Variants in PLCB1 observed in about 807,000 individuals in gnomAD.
PLCB1 encodes the protein phospholipase C beta 1.
A neutral mutation model predicts 161.8 loss-of-function variants in PLCB1; 46 were observed. That is an observed-to-expected ratio of 0.28 (90% CI 0.22 to 0.36). The LOEUF (loss-of-function observed/expected upper bound fraction) is 0.36. Among genes scored for constraint, PLCB1 ranks in the 10% least tolerant of loss-of-function variants. The pLI is 1.00. For synonymous variants in PLCB1, 517 were observed against 503.7 expected (o/e 1.03, Z -0.35); for missense variants, 1,016 against 1,472.5 (o/e 0.69, Z 5.07).
intron 31 of PLCB1, among the ~76,000 whole-genome samples, chr20:8,866,147 A>T (rs1332773419): frequency 6.6e-6 from 1 of 152,196 alleles, no homozygotes; most frequent in Non-Finnish European, 1.5e-5. Context: ...TCCAAACCCG[A>T]TGTGTTTAGC....
At chr20:8,442,950 ATAAAATTAT>A (rs1289105299) in intron 3 of PLCB1, among the ~76,000 whole-genome samples, 1 of 151,638 alleles carries the variant, frequency 6.6e-6, no homozygotes, top group East Asian at 1.9e-4. Context: ...TGCTTTGATT[ATAAAATTAT>A]CTTGTGAGTT....
At chr20:8,386,643 C>A (rs567966640) in intron 3 of PLCB1, among the ~76,000 whole-genome samples, 3 of 152,334 alleles carry the variant, frequency 2.0e-5, no homozygotes, top group Non-Finnish European at 2.9e-5. Context: ...TAATGCCTAA[C>A]AAGAGAGTCA....
At chr20:8,647,011 T>C (rs1489167401) in intron 5 of PLCB1, among the ~76,000 whole-genome samples, 1 of 152,206 alleles carries the variant, frequency 6.6e-6, no homozygotes, top group African/African-American at 2.4e-5. Context: ...CCACATTCCT[T>C]TATTTTACTC....
chr20:8,543,490 AG>A (rs571939841), intron 3 of PLCB1, among the ~76,000 whole-genome samples: 107 of 152,290 alleles, frequency 7.0e-4, no homozygotes, highest in Middle Eastern at 3.4e-3. Context: ...GAAACTTTTA[AG>A]GGTAATAGAA....
chr20:8,578,442 A>C (rs575290464), intron 3 of PLCB1, among the ~76,000 whole-genome samples: 1 of 151,984 alleles, frequency 6.6e-6, no homozygotes, highest in African/African-American at 2.4e-5. Flanking sequence ...CCTAAGTAAG[A>C]AATGGAATAT....
At chr20:8,697,193 G>A (rs1338201606) in intron 10 of PLCB1, among the ~76,000 whole-genome samples, 3 of 152,176 alleles carry the variant, frequency 2.0e-5, no homozygotes, top group Non-Finnish European at 4.4e-5. Context: ...TTAAAAGAGT[G>A]AGTTTTGATG....
At chr20:8,313,044 C>T (rs892874745) in intron 2 of PLCB1, among the ~76,000 whole-genome samples, 1 of 152,062 alleles carries the variant, frequency 6.6e-6, no homozygotes, top group African/African-American at 2.4e-5. Context: ...AAGTTCTTTT[C>T]AAAATAAAAT....
At chr20:8,803,637 A>T (rs919463011) in intron 31 of PLCB1, among the ~76,000 whole-genome samples, 1 of 152,174 alleles carries the variant, frequency 6.6e-6, no homozygotes, top group Non-Finnish European at 1.5e-5. Flanking sequence ...GGCTTCTACA[A>T]GAAGGCATCA....
intron 27 of PLCB1, among the ~76,000 whole-genome samples, chr20:8,782,251 G>A (rs932602220): frequency 6.6e-6 from 1 of 152,102 alleles, no homozygotes; most frequent in Non-Finnish European, 1.5e-5. Context: ...TTATAGCTCT[G>A]GGTAGACAGG....
At chr20:8,524,191 T>G in intron 3 of PLCB1, among the ~76,000 whole-genome samples, 1 of 152,262 alleles carries the variant, frequency 6.6e-6, no homozygotes, top group African/African-American at 2.4e-5. Context: ...AACTATAATA[T>G]TCTATAAACT....
intron 31 of PLCB1, among the ~76,000 whole-genome samples, chr20:8,810,783 G>A (rs1364546197): frequency 1.3e-5 from 2 of 152,078 alleles, no homozygotes; most frequent in East Asian, 1.9e-4. Context: ...GGGCAACATG[G>A]CAAAACCCTA....
intron 31 of PLCB1, among the ~76,000 whole-genome samples, chr20:8,869,105 A>C (rs930159807): frequency 6.6e-6 from 1 of 152,208 alleles, no homozygotes; most frequent in Non-Finnish European, 1.5e-5. Flanking sequence ...AGAGCACAGG[A>C]TCTTCAAAGA....
chr20:8,760,462 TA>T lies in PLCB1; in HGVS notation c.2710+5del. ...ATCTTATTCAGAGTGTCTTAACAGG[TA>T]AATGCCACCCTTTCCCCCCATGGAA... On this transcript the variant is annotated splice_donor_region_variant and intron_variant, in intron 25 of 31. Coordinates refer to ENST00000338037, the MANE Select transcript of PLCB1 (RefSeq NM_015192.4). 2 of 1,606,914 alleles carry T rather than the reference TA, an allele frequency of 1.2e-6. No homozygotes were observed. Among genetic ancestry groups the T allele is most frequent in the Non-Finnish European group, 1.7e-6 (2 of 1,173,700 alleles).
intron 3 of PLCB1, among the ~76,000 whole-genome samples, chr20:8,570,861 G>A (rs1986484850): frequency 6.6e-6 from 1 of 152,212 alleles, no homozygotes; most frequent in South Asian, 2.1e-4. Flanking sequence ...AGACATTTAA[G>A]CTGAGATCTG....
At chr20:8,153,026 A>G (rs2051525461) in intron 2 of PLCB1, among the ~76,000 whole-genome samples, 1 of 152,166 alleles carries the variant, frequency 6.6e-6, no homozygotes, top group African/African-American at 2.4e-5. Context: ...GTAGACAATG[A>G]CATGCTACCT....
chr20:8,562,919 C>G (rs1240437039), intron 3 of PLCB1, among the ~76,000 whole-genome samples: 1 of 151,970 alleles, frequency 6.6e-6, no homozygotes, highest in Non-Finnish European at 1.5e-5. Context: ...CTTTTTGAAG[C>G]ACACACTCAC....
At chr20:8,509,935 T>C (rs1414989102) in intron 3 of PLCB1, among the ~76,000 whole-genome samples, 1 of 152,222 alleles carries the variant, frequency 6.6e-6, no homozygotes, top group Admixed American at 6.5e-5. Flanking sequence ...CCATCTGCTT[T>C]GTTTCTTTTG....
intron 2 of PLCB1, among the ~76,000 whole-genome samples, chr20:8,208,677 G>C (rs997535009): frequency 1.3e-5 from 2 of 152,094 alleles, no homozygotes; most frequent in Admixed American, 1.3e-4. Flanking sequence ...CCTGCCCCAA[G>C]GAGTTTGTAT....
chr20:8,712,315 AAAAG>A (rs1242099820), intron 12 of PLCB1, among the ~76,000 whole-genome samples: 2 of 152,142 alleles, frequency 1.3e-5, no homozygotes, highest in Non-Finnish European at 2.9e-5. Flanking sequence ...AATTAATTAA[AAAAG>A]AAAGAAAAAA....
Sources: gnomAD v4.1 joint callset for allele counts (sites outside exome capture counted in the v4.1 genomes callset) on GRCh38, gnomAD v4.1.1 for gene constraint, MANE v1.5 for transcripts, NCBI Gene and HGNC (gene_info 2026-07-23, HGNC 2026-07-21) for gene names.